Variants in ROBO2 observed in about 807,000 individuals in gnomAD.
The protein encoded by ROBO2 is roundabout homolog 2.
Under a neutral mutation model 160.8 loss-of-function variants are expected in ROBO2, and 53 were observed. That is an observed-to-expected ratio of 0.33 (90% CI 0.26 to 0.41). ROBO2 has a LOEUF of 0.41. Among genes scored for constraint, ROBO2 ranks in the 10% least tolerant of loss-of-function variants. The pLI, the probability that ROBO2 is intolerant of heterozygous loss-of-function variation, is 1.00. For missense variants in ROBO2, 1,577 were observed against 1,722.4 expected (o/e 0.92, Z 1.49); for synonymous variants, 664 against 611.7 (o/e 1.09, Z -1.26).
intron 2 of ROBO2, among the ~76,000 whole-genome samples, chr3:76,349,716 C>T (rs2074756086): frequency 1.3e-5 from 2 of 152,052 alleles, no homozygotes; most frequent in Admixed American, 1.3e-4. Context: ...ACTCTTAAGT[C>T]AGAAACAAAG....
intron 19 of ROBO2, among the ~76,000 whole-genome samples, chr3:77,600,668 G>T (rs1159270342): frequency 6.6e-6 from 1 of 152,038 alleles, no homozygotes; most frequent in East Asian, 1.9e-4. Context: ...TGGTAGAAGC[G>T]GCAGAAACAA....
chr3:77,461,158 G>T (rs1172835641), intron 2 of ROBO2, among the ~76,000 whole-genome samples: 1 of 151,750 alleles, frequency 6.6e-6, no homozygotes, highest in Non-Finnish European at 1.5e-5. Context: ...TTAATTATTG[G>T]GCTGCTTAAT....
chr3:77,143,177 T>C, intron 2 of ROBO2, among the ~76,000 whole-genome samples: 1 of 94,602 alleles, frequency 1.1e-5, no homozygotes, highest in African/African-American at 5.6e-5. Context: ...ACAGCAGCTT[T>C]TTTTTTTTTT....
rs2063944647 is a variant in ROBO2 at position 77,040,117 on chromosome 3, C to T, written c.-669C>T. The T allele has an allele frequency of 8.2e-6, 8 of 979,092 alleles. No individual in the cohort carries two copies. The African/African-American group carries it at 1.1e-4, about 13-fold the overall frequency. 60.7% of individuals were successfully genotyped at this position (979,092 alleles called of 1,614,324 possible). A position where few individuals can be genotyped will look rare whatever the true frequency, so the allele number is the denominator to read the frequency against. Reference sequence around the variant, plus strand: ...CTCACCACGTAGGAGTTCGGATTCTCCACCCGAATCGTCCTGATTTCCCTT... The same window carrying T: ...CTCACCACGTAGGAGTTCGGATTCTTCACCCGAATCGTCCTGATTTCCCTT... On this transcript the variant is annotated 5_prime_UTR_variant, in exon 1 of 26. Coordinates refer to ENST00000461745, the Ensembl canonical transcript of ROBO2.
chr3:76,255,766 A>C (rs1484794323), intron 2 of ROBO2, among the ~76,000 whole-genome samples: 1 of 152,118 alleles, frequency 6.6e-6, no homozygotes, highest in Non-Finnish European at 1.5e-5. Flanking sequence ...TGCCTGTTGT[A>C]TAGACAATTC....
intron 2 of ROBO2, among the ~76,000 whole-genome samples, chr3:77,456,216 C>A (rs1013089628): frequency 2.0e-5 from 3 of 152,040 alleles, no homozygotes; most frequent in African/African-American, 4.8e-5. Context: ...ACAAAGTGAA[C>A]TTTTTTATAA....
chr3:76,103,663 T>TC (rs2069798144), intron 2 of ROBO2, among the ~76,000 whole-genome samples: 1 of 152,070 alleles, frequency 6.6e-6, no homozygotes, highest in Admixed American at 6.5e-5. Flanking sequence ...GGAGAAAGGG[T>TC]CAAGAAAAAG....
intron 1 of ROBO2, among the ~76,000 whole-genome samples, chr3:77,047,671 G>A (rs1028185286): frequency 3.3e-5 from 5 of 149,414 alleles, no homozygotes; most frequent in Admixed American, 2.0e-4. Context: ...TAGGCAACGG[G>A]CAAAACTCCG....
At chr3:76,212,348 T>C (rs1334736837) in intron 2 of ROBO2, among the ~76,000 whole-genome samples, 1 of 151,970 alleles carries the variant, frequency 6.6e-6, no homozygotes, top group Non-Finnish European at 1.5e-5. Flanking sequence ...AATTTATTTT[T>C]GATATTAGAA....
chr3:77,402,860 C>T (rs1451555538), intron 2 of ROBO2, among the ~76,000 whole-genome samples: 1 of 151,840 alleles, frequency 6.6e-6, no homozygotes, highest in African/African-American at 2.4e-5. Context: ...CCCACTTGGC[C>T]CTCTTACAAG....
At position 77,291,881 on chromosome 3, in the gene ROBO2, A is replaced by T. The variant is rs562903330; in HGVS notation, c.389-185533A>T. 7.9e-5 allele frequency among the ~76,000 whole-genome samples: 12 copies of T among 152,092 alleles called. No individual in the cohort carries two copies. The East Asian group carries it at 2.3e-3, about 30-fold the overall frequency. On this transcript the variant is annotated intron_variant, in intron 2 of 25. Transcript: ENST00000461745. Reference sequence around the variant, plus strand: ...TCACCCCAGACATAAAGTAAAATTGATGGATAAACGGGTAAGCTGAGGCTA... The same window carrying T: ...TCACCCCAGACATAAAGTAAAATTGTTGGATAAACGGGTAAGCTGAGGCTA...
At chr3:76,807,207 T>C (rs912068460) in intron 2 of ROBO2, among the ~76,000 whole-genome samples, 3 of 152,088 alleles carry the variant, frequency 2.0e-5, no homozygotes, top group African/African-American at 7.2e-5. Context: ...TGGTTGTTTA[T>C]GAAATTATTT....
chr3:76,230,501 T>G (rs1216038744), intron 2 of ROBO2, among the ~76,000 whole-genome samples: 1 of 152,092 alleles, frequency 6.6e-6, no homozygotes, highest in Non-Finnish European at 1.5e-5. Flanking sequence ...CCATTTAGGG[T>G]GCTTCATGTC....
At chr3:77,518,307 A>G (rs982663588) in intron 5 of ROBO2, among the ~76,000 whole-genome samples, 8 of 151,484 alleles carry the variant, frequency 5.3e-5, no homozygotes, top group African/African-American at 1.9e-4. Flanking sequence ...TAGCCTAACG[A>G]GTCAATCACT....
chr3:76,439,098 C>G lies in ROBO2; in HGVS notation c.109+501496C>G, dbSNP rs537586848. Among the ~76,000 whole-genome samples the G allele has an allele frequency of 1.1e-4, 17 of 152,146 alleles. 1 individual carries two copies. The South Asian group carries it at 3.5e-3, about 32-fold the overall frequency. On this transcript the variant is annotated intron_variant, in intron 2 of 26. Transcript: ENST00000487694. ...AACCACAAAGAAATAGAACAAGTAA[C>G]TAGTGGGAACCACCATTACTGTTTA... is the stretch of plus-strand genomic sequence containing the variant.
At chr3:77,568,677 T>A (rs1302261689) in intron 13 of ROBO2, among the ~76,000 whole-genome samples, 1 of 152,098 alleles carries the variant, frequency 6.6e-6, no homozygotes, top group African/African-American at 2.4e-5. Flanking sequence ...TCTTGCGATA[T>A]AATTAGCATA....
intron 2 of ROBO2, among the ~76,000 whole-genome samples, chr3:77,344,002 T>C (rs2067348848): frequency 6.6e-6 from 1 of 152,176 alleles, no homozygotes; most frequent in Admixed American, 6.6e-5. Context: ...CTCCCTGTTC[T>C]TGAGCCAATT....
intron 2 of ROBO2, among the ~76,000 whole-genome samples, chr3:75,957,393 T>A (rs1266726274): frequency 6.6e-6 from 1 of 151,734 alleles, no homozygotes; most frequent in African/African-American, 2.4e-5. Context: ...ATTTTTAAAA[T>A]GATTTTCTCT....
At chr3:77,538,900 G>C (rs77189195) in intron 6 of ROBO2, 6,227 of 483,658 alleles carry the variant, frequency 0.013, 322 homozygotes, top group African/African-American at 0.11. Flanking sequence ...ACTAATTTTT[G>C]CAGAAACTTT....
Sources: gnomAD v4.1 joint callset for allele counts (sites outside exome capture counted in the v4.1 genomes callset) on GRCh38, gnomAD v4.1.1 for gene constraint, MANE v1.5 for transcripts, NCBI Gene and HGNC (gene_info 2026-07-23, HGNC 2026-07-21) for gene names.